Variants in CHODL observed in about 807,000 individuals in gnomAD.
CHODL encodes chondrolectin, also known as transmembrane protein MT75.
A neutral mutation model predicts 34.5 loss-of-function variants in CHODL; 29 were observed. The observed-to-expected ratio is 0.84, with a 90% confidence interval of 0.63 to 1.15. The LOEUF is 1.15. Among genes scored for constraint, CHODL ranks in the 50% most tolerant of loss-of-function variants. The pLI is 0.00. For synonymous variants in CHODL, 125 were observed against 116.1 expected, an observed-to-expected ratio of 1.08 and a Z score of -0.49; for missense variants, 332 against 332.5, an observed-to-expected ratio of 1.00 and a Z score of 0.01.
chr21:17,919,357 G>C (rs531944869), intron 1 of CHODL, among the ~76,000 whole-genome samples: 3 of 152,160 alleles, frequency 2.0e-5, no homozygotes, highest in Non-Finnish European at 4.4e-5. Context: ...CTGACATCTA[G>C]GCAGAGGTTC....
intron 2 of CHODL, among the ~76,000 whole-genome samples, chr21:18,096,603 G>A (rs2146537413): frequency 6.6e-6 from 1 of 152,204 alleles, no homozygotes; most frequent in Non-Finnish European, 1.5e-5. Context: ...CTAGGATTAG[G>A]AAATTCCAGA....
At chr21:17,988,272 C>G (rs567895504) in intron 1 of CHODL, among the ~76,000 whole-genome samples, 1 of 152,064 alleles carries the variant, frequency 6.6e-6, no homozygotes, top group South Asian at 2.1e-4. Context: ...ATGTGGCATT[C>G]AAATCCCACT....
At chr21:18,064,632 T>C (rs1453344976) in intron 2 of CHODL, among the ~76,000 whole-genome samples, 1 of 152,140 alleles carries the variant, frequency 6.6e-6, no homozygotes, top group Non-Finnish European at 1.5e-5. Context: ...CTCAGGCCCT[T>C]GGACTTGGCC....
chr21:18,236,179 T>G (rs2074027214), intron 2 of CHODL, among the ~76,000 whole-genome samples: 1 of 152,102 alleles, frequency 6.6e-6, no homozygotes, highest in African/African-American at 2.4e-5. Context: ...ACGTCCTTTT[T>G]CACAGGGCAG....
chr21:17,973,981 C>T (rs1354159239), intron 1 of CHODL, among the ~76,000 whole-genome samples: 2 of 152,088 alleles, frequency 1.3e-5, no homozygotes, highest in East Asian at 3.9e-4. Context: ...AGGTAAAATC[C>T]AGATTAAATT....
At chr21:17,963,051 G>A (rs181392627) in intron 1 of CHODL, among the ~76,000 whole-genome samples, 91 of 122,768 alleles carry the variant, frequency 7.4e-4, no homozygotes, top group Admixed American at 2.4e-3. Flanking sequence ...GTGAAAGAGC[G>A]AGACTATGTC....
chr21:18,088,042 C>T (rs932836118), intron 2 of CHODL, among the ~76,000 whole-genome samples: 6 of 152,106 alleles, frequency 3.9e-5, no homozygotes, highest in African/African-American at 1.4e-4. Context: ...TATGAGAACT[C>T]ACTCACTATC....
intron 2 of CHODL, among the ~76,000 whole-genome samples, chr21:18,089,732 G>A (rs1418154101): frequency 2.0e-5 from 3 of 151,952 alleles, no homozygotes; most frequent in African/African-American, 7.3e-5. Flanking sequence ...TGACAATAAA[G>A]AAATAAAAAG....
chr21:18,204,453 G>C (rs1389072174), intron 2 of CHODL, among the ~76,000 whole-genome samples: 1 of 152,034 alleles, frequency 6.6e-6, no homozygotes, highest in African/African-American at 2.4e-5. Context: ...AACTATTTAA[G>C]ATGCCATGAT....
intron 2 of CHODL, among the ~76,000 whole-genome samples, chr21:18,052,426 C>G (rs2064527301): frequency 6.6e-6 from 1 of 151,910 alleles, no homozygotes; most frequent in Admixed American, 6.6e-5. Flanking sequence ...TAGTACCTTT[C>G]AACTCCATAA....
chr21:18,025,747 G>A (rs975899194), intron 1 of CHODL, among the ~76,000 whole-genome samples: 2 of 152,064 alleles, frequency 1.3e-5, no homozygotes, highest in East Asian at 1.9e-4. Context: ...GTGTAGGCAC[G>A]TTGATTTGAT....
chr21:18,157,037 G>C (rs186767014), intron 2 of CHODL, among the ~76,000 whole-genome samples: 2 of 152,140 alleles, frequency 1.3e-5, no homozygotes, highest in East Asian at 3.9e-4. Flanking sequence ...TAAGTGTTGC[G>C]GCGAAGAAGG....
At chr21:18,006,409 C>T (rs1056351903) in intron 1 of CHODL, among the ~76,000 whole-genome samples, 2 of 151,996 alleles carry the variant, frequency 1.3e-5, no homozygotes, top group African/African-American at 4.8e-5. Flanking sequence ...TATCTTCCAC[C>T]CCAGATGGAA....
At chr21:18,064,608 T>C (rs2064708299) in intron 2 of CHODL, among the ~76,000 whole-genome samples, 1 of 152,178 alleles carries the variant, frequency 6.6e-6, no homozygotes, top group South Asian at 2.1e-4. Flanking sequence ...CTTGCACCAT[T>C]GGTTCTCCAG....
chr21:17,992,881 C>T (rs973722370), intron 1 of CHODL, among the ~76,000 whole-genome samples: 42 of 151,964 alleles, frequency 2.8e-4, no homozygotes, highest in African/African-American at 8.7e-4. Flanking sequence ...CTGAAACTCC[C>T]GACCTCAGGT....
chr21:18,013,523 A>G (rs775386025), intron 1 of CHODL, among the ~76,000 whole-genome samples: 20 of 152,154 alleles, frequency 1.3e-4, no homozygotes, highest in South Asian at 6.2e-4. Context: ...AATTTTTAAG[A>G]CAATAAGTTT....
At chr21:18,259,178 G>A (rs1429523023) in intron 3 of CHODL, among the ~76,000 whole-genome samples, 1 of 152,016 alleles carries the variant, frequency 6.6e-6, no homozygotes, top group East Asian at 1.9e-4. Flanking sequence ...AAGAACATGG[G>A]TTCTTATTTC....
intron 1 of CHODL, among the ~76,000 whole-genome samples, chr21:17,970,949 G>C (rs2063609483): frequency 1.3e-5 from 2 of 151,688 alleles, no homozygotes; most frequent in Non-Finnish European, 2.9e-5. Context: ...TGTTTTCATT[G>C]TTCAATTCCC....
intron 2 of CHODL, among the ~76,000 whole-genome samples, chr21:18,036,314 C>T (rs377553720): frequency 6.6e-6 from 1 of 152,002 alleles, no homozygotes; most frequent in East Asian, 1.9e-4. Context: ...GGCATTTTAT[C>T]CTTGGCTTTG....
Sources: gnomAD v4.1 joint callset for allele counts (sites outside exome capture counted in the v4.1 genomes callset) on GRCh38, gnomAD v4.1.1 for gene constraint, MANE v1.5 for transcripts, NCBI Gene and HGNC (gene_info 2026-07-23, HGNC 2026-07-21) for gene names.